Variants in CLOCK observed in about 807,000 individuals in gnomAD.
CLOCK encodes clock circadian regulator.
Under a neutral mutation model 118.4 loss-of-function variants are expected in CLOCK, and 43 were observed. That is an observed-to-expected ratio of 0.36 (90% CI 0.28 to 0.47). CLOCK has a LOEUF of 0.47. Ranked by LOEUF, CLOCK falls within the 20% of genes least tolerant of loss-of-function variation. The pLI, the probability that CLOCK is intolerant of heterozygous loss-of-function variation, is 1.00. For synonymous variants in CLOCK, 326 were observed against 339.2 expected, an observed-to-expected ratio of 0.96 and a Z score of 0.43; for missense variants, 846 against 999.9, an observed-to-expected ratio of 0.85 and a Z score of 2.08.
At chr4:55,467,447 T>G (rs978309344) in intron 8 of CLOCK, among the ~76,000 whole-genome samples, 3 of 152,170 alleles carry the variant, frequency 2.0e-5, no homozygotes, top group Non-Finnish European at 4.4e-5. Flanking sequence ...CAGTAGTACA[T>G]ACAAGGTAAC....
At chr4:55,521,443 C>G (rs975167394) in intron 1 of CLOCK, among the ~76,000 whole-genome samples, 4 of 152,218 alleles carry the variant, frequency 2.6e-5, no homozygotes, top group Admixed American at 2.6e-4. Flanking sequence ...GTCTTGAACT[C>G]CTGACCTAAG....
chr4:55,447,997 C>CT (rs140564505), intron 18 of CLOCK, among the ~76,000 whole-genome samples: 4,160 of 151,956 alleles, frequency 0.027, 198 homozygotes, highest in African/African-American at 0.095. Flanking sequence ...ATTACTCCCC[C>CT]TTTTTTTTGG....
At chr4:55,481,947 G>GCT (rs1198297493) in intron 4 of CLOCK, among the ~76,000 whole-genome samples, 12 of 152,262 alleles carry the variant, frequency 7.9e-5, no homozygotes, top group Non-Finnish European at 1.6e-4. Flanking sequence ...CTTTAAAAAT[G>GCT]TTGTTGGATT....
At chr4:55,542,170 GT>G (rs56653445) in intron 1 of CLOCK, among the ~76,000 whole-genome samples, 50,829 of 150,660 alleles carry the variant, frequency 0.34, 9,269 homozygotes, top group East Asian at 0.58. Flanking sequence ...GAGAAACACC[GT>G]TGTCTACTAA....
intron 11 of CLOCK, among the ~76,000 whole-genome samples, chr4:55,456,590 A>C (rs917243780): frequency 2.0e-5 from 3 of 151,940 alleles, no homozygotes; most frequent in African/African-American, 7.2e-5. Context: ...TGAACCCAGG[A>C]GGTGGAGGTT....
intron 4 of CLOCK, among the ~76,000 whole-genome samples, chr4:55,482,459 G>C: frequency 6.6e-6 from 1 of 152,184 alleles, no homozygotes; most frequent in South Asian, 2.1e-4. Flanking sequence ...ATTTGCAACT[G>C]TCAGAATTTC....
chr4:55,514,419 T>TA (rs752608006), intron 1 of CLOCK, among the ~76,000 whole-genome samples: 7 of 152,246 alleles, frequency 4.6e-5, no homozygotes, highest in Non-Finnish European at 1.0e-4. Flanking sequence ...CTCACCCATT[T>TA]AAAACCTACA....
intron 18 of CLOCK, among the ~76,000 whole-genome samples, chr4:55,447,004 AT>A (rs767548789): frequency 6.6e-6 from 1 of 152,112 alleles, no homozygotes; most frequent in African/African-American, 2.4e-5. Context: ...GGTTGAGAAA[AT>A]ATTAAAAATT....
chr4:55,435,417 A>G lies in CLOCK; in HGVS notation c.2539T>C (p.Ter847GlnextTer7). The change falls in exon 23 of 23, where the codon TAG becomes CAG. Residue 847 changes from the stop codon to glutamine (Q), a stop_lost. Coordinates refer to ENST00000513440, the MANE Select transcript of CLOCK (RefSeq NM_004898.4). ...LPDPSKVQPQ[*>Q] ...TGTCAAGAGAGGAAGCACGTGTGCT[A>G]CTGTGGTTGAACCTTGGAAGGGTCG... The G allele has an allele frequency of 6.2e-7, 1 of 1,613,878 alleles. No homozygotes were observed. The highest frequency in any genetic ancestry group is 2.2e-5 in the East Asian group (1 of 44,862).
chr4:55,472,683 C>A (rs1355636447), intron 7 of CLOCK, among the ~76,000 whole-genome samples: 1 of 152,046 alleles, frequency 6.6e-6, no homozygotes, highest in Non-Finnish European at 1.5e-5. Flanking sequence ...AGTAACCTTT[C>A]CTAACTCTAT....
At chr4:55,537,810 T>C (rs971093946) in intron 1 of CLOCK, among the ~76,000 whole-genome samples, 1 of 151,608 alleles carries the variant, frequency 6.6e-6, no homozygotes, top group Non-Finnish European at 1.5e-5. Context: ...AAATAAATTA[T>C]AAACAATTAA....
Position 55,428,135 on chromosome 4 carries a change from G to C in CLOCK, c.*7280C>G, listed in dbSNP as rs957410075. 6.6e-6 allele frequency: 1 copy of C among 152,086 alleles called. No homozygotes were observed. Among genetic ancestry groups the C allele is most frequent in the South Asian group, 2.1e-4 (1 of 4,826 alleles). 9.4% of individuals were successfully genotyped at this position (152,086 alleles called of 1,614,324 possible). ...GCTTGGCTCTTTTGCTATAAGTTTA[G>C]GTTCTGAATACATGACAAGAGTATG... On this transcript the variant is annotated 3_prime_UTR_variant, in exon 23 of 23. Coordinates refer to ENST00000513440, the MANE Select transcript of CLOCK (RefSeq NM_004898.4).
intron 1 of CLOCK, among the ~76,000 whole-genome samples, chr4:55,535,864 T>C (rs1730861814): frequency 6.6e-6 from 1 of 151,866 alleles, no homozygotes; most frequent in South Asian, 2.1e-4. Flanking sequence ...TAAAGGTATT[T>C]AGATGACCAG....
chr4:55,545,006 T>C (rs548338722), intron 1 of CLOCK, among the ~76,000 whole-genome samples: 2 of 152,256 alleles, frequency 1.3e-5, no homozygotes, highest in South Asian at 4.1e-4. Flanking sequence ...TCATAACTGA[T>C]TACGCCTAGC....
chr4:55,497,722 T>G (rs1449140659), intron 2 of CLOCK, among the ~76,000 whole-genome samples: 1 of 152,192 alleles, frequency 6.6e-6, no homozygotes, highest in Non-Finnish European at 1.5e-5. Flanking sequence ...ACTTTATTGC[T>G]ATATGGTAGC....
Position 55,530,774 on chromosome 4 carries a change from C to CAAAAAA in CLOCK, c.-290+16002_-290+16007dup, listed in dbSNP as rs60810379. ...TGGGAAAAAGAGCAAGACTCCATCGCAAAAAAAAAAAAAAAAAGAGTAAAT... is the reference window on the plus strand; with the variant it reads ...TGGGAAAAAGAGCAAGACTCCATCGCAAAAAAAAAAAAAAAAAAAAAAAGAGTAAAT... On this transcript the variant is annotated intron_variant, in intron 1 of 22. Coordinates refer to ENST00000513440, the MANE Select transcript of CLOCK (RefSeq NM_004898.4). Among the ~76,000 whole-genome samples the CAAAAAA allele has an allele frequency of 2.4e-4, 8 of 33,042 alleles. 2 individuals carry two copies. The highest frequency in any genetic ancestry group is 4.2e-4 in the Admixed American group (1 of 2,368). The allele number at this position is 33,042 out of a possible 152,430, so 21.7% of individuals were successfully genotyped here.
intron 13 of CLOCK, among the ~76,000 whole-genome samples, chr4:55,454,938 A>T (rs12512737): frequency 0.32 from 45,652 of 143,600 alleles, 7,510 homozygotes; most frequent in East Asian, 0.59. Context: ...AAAGTTACCC[A>T]GCTAGTTAAT....
intron 5 of CLOCK, 115 bp downstream of exon 5, chr4:55,479,525 T>C: frequency 1.2e-6 from 1 of 816,548 alleles, no homozygotes; most frequent in Non-Finnish European, 2.0e-6. Context: ...ACCTTGCTAA[T>C]ATATCTAAAC....
At chr4:55,532,377 G>A (rs1730607179) in intron 1 of CLOCK, among the ~76,000 whole-genome samples, 1 of 152,044 alleles carries the variant, frequency 6.6e-6, no homozygotes, top group South Asian at 2.1e-4. Context: ...AATTATCTCT[G>A]TATACAGATG....
Sources: allele counts gnomAD v4.1 joint callset (sites outside exome capture counted in the v4.1 genomes callset), GRCh38; gene constraint gnomAD v4.1.1; transcripts MANE v1.5; gene names NCBI Gene and HGNC (gene_info 2026-07-23, HGNC 2026-07-21).